HSPA12A: variants seen among roughly 807,000 people sequenced by gnomAD.
HSPA12A encodes heat shock protein family A (Hsp70) member 12A, also known as heat shock 70 kDa protein 12A.
In HSPA12A, 28 loss-of-function variants were observed where a neutral mutation model predicts 69.2. The ratio of observed to expected loss-of-function variants is 0.40; its 90% CI spans 0.30 to 0.55. The LOEUF is 0.55. Ranked by LOEUF, HSPA12A falls within the 20% of genes least tolerant of loss-of-function variation. The probability of loss-of-function intolerance (pLI) is 0.38; values close to 1 mark genes in which losing one functional copy is unlikely to be tolerated. For synonymous variants in HSPA12A, 345 were observed against 370.5 expected (o/e 0.93, Z 0.79); for missense variants, 686 against 900.7 (o/e 0.76, Z 3.05).
intron 2 of HSPA12A, among the ~76,000 whole-genome samples, chr10:116,751,834 G>A (rs1399547859): frequency 6.6e-6 from 1 of 152,098 alleles, no homozygotes; most frequent in East Asian, 1.9e-4. Context: ...TCAGTTCACT[G>A]ACTCCTCCTC....
At chr10:116,765,202 C>A (rs1433381606) in intron 2 of HSPA12A, among the ~76,000 whole-genome samples, 2 of 152,162 alleles carry the variant, frequency 1.3e-5, no homozygotes, top group African/African-American at 4.8e-5. Flanking sequence ...AATGAGCACA[C>A]CTAGTGCCCA....
intron 2 of HSPA12A, among the ~76,000 whole-genome samples, chr10:116,817,646 G>A (rs1364087971): frequency 6.6e-6 from 1 of 152,106 alleles, no homozygotes; most frequent in African/African-American, 2.4e-5. Context: ...GAGAAGTGGA[G>A]AATCGCGGCC....
At chr10:116,806,074 G>A (rs1845061829) in intron 2 of HSPA12A, among the ~76,000 whole-genome samples, 1 of 152,188 alleles carries the variant, frequency 6.6e-6, no homozygotes, top group South Asian at 2.1e-4. Flanking sequence ...CTCTCAGCTT[G>A]ACCTCCAGGT....
At chr10:116,769,668 C>T (rs1844155225) in intron 2 of HSPA12A, among the ~76,000 whole-genome samples, 1 of 152,180 alleles carries the variant, frequency 6.6e-6, no homozygotes, top group South Asian at 2.1e-4. Context: ...CAGAAACATG[C>T]TAATTAGGTT....
intron 2 of HSPA12A, among the ~76,000 whole-genome samples, chr10:116,783,917 C>T (rs1019110655): frequency 5.9e-5 from 9 of 152,114 alleles, no homozygotes; most frequent in African/African-American, 1.9e-4. Context: ...TTGGCCAGTA[C>T]GGTCTTGAAC....
At chr10:116,817,510 AGT>A (rs747534676) in intron 2 of HSPA12A, among the ~76,000 whole-genome samples, 2 of 107,994 alleles carry the variant, frequency 1.9e-5, no homozygotes, top group East Asian at 2.9e-4. Context: ...GAGGAAATCC[AGT>A]GTGTGTGTGT....
intron 5 of HSPA12A, among the ~76,000 whole-genome samples, chr10:116,694,654 C>T (rs1849832854): frequency 6.6e-6 from 1 of 152,184 alleles, no homozygotes; most frequent in Admixed American, 6.5e-5. Context: ...GCCCCTACGG[C>T]TCCTCCTCCT....
At chr10:116,726,013 A>ACACACACACACG (rs1850944091) in intron 1 of HSPA12A, among the ~76,000 whole-genome samples, 1 of 52,488 alleles carries the variant, frequency 1.9e-5, no homozygotes, top group African/African-American at 8.6e-5. Flanking sequence ...CAAGGTTTAG[A>ACACACACACACG]CACACACACA....
At chr10:116,732,346 A>AAGAAAGAG (rs1851186885) in intron 1 of HSPA12A, among the ~76,000 whole-genome samples, 1 of 150,456 alleles carries the variant, frequency 6.6e-6, no homozygotes, top group Non-Finnish European at 1.5e-5. Flanking sequence ...GAAAGAAAGA[A>AAGAAAGAG]AGAAAGAGAC....
At chr10:116,778,552 T>A (rs1844391941) in intron 2 of HSPA12A, among the ~76,000 whole-genome samples, 1 of 152,204 alleles carries the variant, frequency 6.6e-6, no homozygotes, top group Non-Finnish European at 1.5e-5. Context: ...AAGCTTTGTG[T>A]AGTCATTCCT....
At chr10:116,685,050 G>A (rs1849537067) in intron 6 of HSPA12A, among the ~76,000 whole-genome samples, 1 of 152,216 alleles carries the variant, frequency 6.6e-6, no homozygotes, top group Non-Finnish European at 1.5e-5. Context: ...CAGCCCGATG[G>A]ACCACGGAAG....
chr10:116,784,298 G>A (rs1844528661), intron 2 of HSPA12A, among the ~76,000 whole-genome samples: 2 of 152,258 alleles, frequency 1.3e-5, no homozygotes, highest in South Asian at 4.1e-4. Flanking sequence ...GGCCGCTCCT[G>A]ACCTAGGTGG....
chr10:116,802,088 C>T (rs1844969886), intron 2 of HSPA12A, among the ~76,000 whole-genome samples: 1 of 152,226 alleles, frequency 6.6e-6, no homozygotes, highest in Non-Finnish European at 1.5e-5. Flanking sequence ...AAGATGGCAG[C>T]ATCCACCAAA....
chr10:116,746,025 T>C (rs1391499472), upstream of HSPA12A, among the ~76,000 whole-genome samples: 1 of 151,926 alleles, frequency 6.6e-6, no homozygotes, highest in Non-Finnish European at 1.5e-5. Context: ...GGACCAGCCA[T>C]GTCCACATTT....
intron 1 of HSPA12A, among the ~76,000 whole-genome samples, chr10:116,737,636 T>A (rs2133060280): frequency 6.6e-6 from 1 of 152,260 alleles, no homozygotes; most frequent in African/African-American, 2.4e-5. Flanking sequence ...AACCAGGACA[T>A]ATGGCCACCC....
chr10:116,739,570 T>G (rs1357530278), intron 1 of HSPA12A, among the ~76,000 whole-genome samples: 1 of 151,914 alleles, frequency 6.6e-6, no homozygotes, highest in Non-Finnish European at 1.5e-5. Flanking sequence ...TTGGTCACCA[T>G]AGGAGCCATC....
chr10:116,712,169 C>T (rs1554883179), intron 1 of HSPA12A, among the ~76,000 whole-genome samples: 1 of 152,154 alleles, frequency 6.6e-6, no homozygotes, highest in African/African-American at 2.4e-5. Context: ...AATTTAACAT[C>T]ACTTCAGTCT....
upstream of HSPA12A, among the ~76,000 whole-genome samples, chr10:116,745,317 G>C (rs1274275225): frequency 6.6e-6 from 1 of 152,152 alleles, no homozygotes; most frequent in East Asian, 1.9e-4. Context: ...TGACCCCCAG[G>C]GCTCATGCCT....
At chr10:116,735,631 A>G (rs1851291401) in intron 1 of HSPA12A, among the ~76,000 whole-genome samples, 1 of 152,192 alleles carries the variant, frequency 6.6e-6, no homozygotes, top group Non-Finnish European at 1.5e-5. Context: ...TTGCAGTCAC[A>G]TAAGTGACCA....
Sources: allele counts gnomAD v4.1 joint callset (sites outside exome capture counted in the v4.1 genomes callset), GRCh38; gene constraint gnomAD v4.1.1; transcripts MANE v1.5; gene names NCBI Gene and HGNC (gene_info 2026-07-23, HGNC 2026-07-21).